Variants in NADSYN1 observed in about 807,000 individuals in gnomAD.
The protein encoded by NADSYN1 is glutamine-dependent NAD(+) synthetase.
A neutral mutation model predicts 99.3 loss-of-function variants in NADSYN1; 80 were observed. The observed-to-expected ratio is 0.81, with a 90% CI of 0.67 to 0.97. The LOEUF (loss-of-function observed/expected upper bound fraction) is 0.97, where lower values mean the gene tolerates loss of function less well. Among genes scored for constraint, NADSYN1 ranks in the 50% least tolerant of loss-of-function variants. The pLI is 0.00. For synonymous variants in NADSYN1, 385 were observed against 372.1 expected (o/e 1.03, Z -0.40); for missense variants, 859 against 948.5 (o/e 0.91, Z 1.24).
chr11:71,485,954 C>T (rs573312113), intron 16 of NADSYN1, among the ~76,000 whole-genome samples: 36 of 152,316 alleles, frequency 2.4e-4, no homozygotes, highest in African/African-American at 8.4e-4. Flanking sequence ...TAGGCTGTTC[C>T]ACTGTGTCTT....
At chr11:71,458,771 G>C in intron 3 of NADSYN1, 1 of 515,204 alleles carries the variant, frequency 1.9e-6, no homozygotes, top group African/African-American at 1.9e-5. Flanking sequence ...AGTTCTTCCA[G>C]AAAGTCCTGT....
intron 5 of NADSYN1, among the ~76,000 whole-genome samples, chr11:71,469,794 G>A (rs1949615143): frequency 6.6e-6 from 1 of 152,026 alleles, no homozygotes; most frequent in Non-Finnish European, 1.5e-5. Context: ...TAGATCTGGG[G>A]GCCTGTTCCC....
At chr11:71,497,339 TG>T in intron 18 of NADSYN1, 143 bp from the exon 19 acceptor site, 2 of 928,190 alleles carry the variant, frequency 2.2e-6, no homozygotes, top group South Asian at 1.7e-5. Context: ...TGACTAGCAA[TG>T]GGGAGTAAAG....
Position 71,477,225 on chromosome 11 carries a change from G to A in NADSYN1, c.799-1170G>A, listed in dbSNP as rs1949674587. On this transcript the variant is annotated intron_variant, in intron 9 of 20. Transcript: ENST00000319023. ...CCTGGAGTCAGGCCGCCGTGCGGCA[G>A]GCTGTTAACCTAGCCTCGGGGAGAG... is the stretch of plus-strand genomic sequence containing the variant. 5.0e-6 allele frequency: 6 copies of A among 1,193,512 alleles called. No individual in the cohort carries two copies. The South Asian group carries it at 7.6e-5, about 15-fold the overall frequency. The allele number at this position is 1,193,512 out of a possible 1,614,324, so 73.9% of individuals were successfully genotyped here. A position where few individuals can be genotyped will look rare whatever the true frequency, so the allele number is the denominator to read the frequency against.
chr11:71,477,330 C>T, intron 9 of NADSYN1: 1 of 1,289,128 alleles, frequency 7.8e-7, no homozygotes, highest in Non-Finnish European at 1.0e-6. Flanking sequence ...CGGACCGTGG[C>T]TTTCTGCATG....
chr11:71,491,780 G>C (rs78295954), intron 17 of NADSYN1, 54 bp from the exon 18 acceptor site: 2 of 1,544,424 alleles, frequency 1.3e-6, no homozygotes, highest in African/African-American at 2.7e-5. Flanking sequence ...CTCTCCCAGA[G>C]CTCACACCAC....
intron 9 of NADSYN1, chr11:71,476,158 C>T (rs1949664054): frequency 4.4e-6 from 2 of 455,478 alleles, no homozygotes; most frequent in Non-Finnish European, 4.4e-6. Flanking sequence ...CACTCTCGGG[C>T]TCAGACCACA....
chr11:71,463,936 C>A, intron 4 of NADSYN1, 117 bp from the exon 5 acceptor site: 1 of 828,356 alleles, frequency 1.2e-6, no homozygotes, highest in East Asian at 2.7e-5. Flanking sequence ...TGCTCGGGGC[C>A]CCATTCTCAA....
intron 8 of NADSYN1, 143 bp from the exon 9 acceptor site, chr11:71,474,252 C>A: frequency 9.2e-7 from 1 of 1,081,412 alleles, no homozygotes. Flanking sequence ...TGTGCTTCCC[C>A]ACACATATGC....
chr11:71,481,305 C>T (rs753506353), intron 11 of NADSYN1, 51 bp from the exon 12 acceptor site: 1 of 1,596,930 alleles, frequency 6.3e-7, no homozygotes, highest in Admixed American at 1.7e-5. Context: ...TTGTTGGGTG[C>T]TGTGGGCAGG....
At chr11:71,476,660 G>A in intron 9 of NADSYN1, 1 of 985,950 alleles carries the variant, frequency 1.0e-6, no homozygotes, top group East Asian at 1.1e-4. Context: ...CGACAGAGCT[G>A]GAAGGGCTTT....
In NADSYN1 at chr11:71,453,231, C is replaced by T. The variant is rs2120376807; in HGVS notation, c.-66C>T. 14 of 1,447,006 alleles carry T rather than the reference C, an allele frequency of 9.7e-6. No individual in the cohort carries two copies. Among genetic ancestry groups the T allele is most frequent in the Non-Finnish European group, 8.6e-6 (9 of 1,044,098 alleles). The allele number at this position is 1,447,006 out of a possible 1,614,324, so 89.6% of individuals were successfully genotyped here. On this transcript the variant is annotated 5_prime_UTR_variant, in exon 1 of 21. Transcript: ENST00000319023. ...CCGGAAGGTCCGGCGTCCCAGCCGC[C>T]TACCTCGCTGGGACCCTGGTCTTGC... is the stretch of plus-strand genomic sequence containing the variant.
At chr11:71,500,451 C>G (rs1204901964) in intron 20 of NADSYN1, among the ~76,000 whole-genome samples, 3 of 152,164 alleles carry the variant, frequency 2.0e-5, no homozygotes, top group Non-Finnish European at 2.9e-5. Context: ...GGGGTCTGTG[C>G]TCCCAGCATC....
chr11:71,489,110 A>C lies in NADSYN1; in HGVS notation c.1563-1735A>C, dbSNP rs139014147. ...AGCCCTGCAGGGTTAAGTTGGGGTC[A>C]GCATGGGAATGCAGAGCTGAGAGGC... On this transcript the variant is annotated intron_variant, in intron 16 of 20. Coordinates refer to ENST00000319023, the MANE Select transcript of NADSYN1 (RefSeq NM_018161.5). Among the ~76,000 whole-genome samples the C allele has an allele frequency of 3.5e-3, 537 of 152,246 alleles. 6 individuals carry two copies. The highest frequency in any genetic ancestry group is 0.012 in the African/African-American group (517 of 41,524).
At chr11:71,491,998 ACAGCTGCATCGCTGTC>A in intron 18 of NADSYN1, 95 bp downstream of exon 18, 16 of 1,192,510 alleles carry the variant, frequency 1.3e-5, no homozygotes, top group Middle Eastern at 2.4e-4. Flanking sequence ...TGACCCCAGG[ACAGCTGCATCGCTGTC>A]ACTGGGTCCC....
At chr11:71,494,602 G>A (rs1949807522) in intron 18 of NADSYN1, among the ~76,000 whole-genome samples, 1 of 152,140 alleles carries the variant, frequency 6.6e-6, no homozygotes. Context: ...GCTGCCTGGA[G>A]TGCAGTGGTG....
chr11:71,462,885 C>T (rs1308397667), intron 3 of NADSYN1, among the ~76,000 whole-genome samples: 1 of 152,200 alleles, frequency 6.6e-6, no homozygotes, highest in Non-Finnish European at 1.5e-5. Context: ...ACTCGAGTGC[C>T]CCCAGCCAGG....
Position 71,482,827 on chromosome 11 carries a change from A to T in NADSYN1, c.1151-22A>T, listed in dbSNP as rs568521306. Reference sequence around the variant, plus strand: ...CCACACACTCAGGTGACTTCCACCCATTCTGTCCTGGTGGTTTTCAGATGA... The same window carrying T: ...CCACACACTCAGGTGACTTCCACCCTTTCTGTCCTGGTGGTTTTCAGATGA... On this transcript the variant is annotated intron_variant, in intron 13 of 20. Transcript: ENST00000319023. The T allele has an allele frequency of 5.6e-5, 91 of 1,611,054 alleles. No homozygotes were observed. In the South Asian group the frequency reaches 9.9e-4, roughly 18 times the overall value.
intron 1 of NADSYN1, 140 bp downstream of exon 1, chr11:71,453,521 C>T: frequency 1.4e-6 from 1 of 726,724 alleles, no homozygotes; most frequent in Non-Finnish European, 2.3e-6. Context: ...AGATAATGGG[C>T]AATGACCCCG....
Sources: gnomAD v4.1 joint callset for allele counts (sites outside exome capture counted in the v4.1 genomes callset) on GRCh38, gnomAD v4.1.1 for gene constraint, MANE v1.5 for transcripts, NCBI Gene and HGNC (gene_info 2026-07-23, HGNC 2026-07-21) for gene names.